The following FURIN variants were observed in gnomAD, a reference collection of about 807,000 sequenced individuals.
FURIN encodes the protein FES upstream region.
In FURIN, 18 loss-of-function variants were observed where a neutral mutation model predicts 89.2. That is an observed-to-expected ratio of 0.20 (90% CI 0.14 to 0.30). FURIN has a LOEUF of 0.30. FURIN is among the 10% of genes least tolerant of loss of function. The pLI is 1.00. For missense variants in FURIN, 879 were observed against 1,100.5 expected (o/e 0.80, Z 2.85); for synonymous variants, 508 against 466.4 (o/e 1.09, Z -1.15).
At chr15:90,868,795 AG>A (rs1470735120) in intron 1 of FURIN, 84 bp downstream of exon 1, 2 of 152,276 alleles carry the variant, frequency 1.3e-5, no homozygotes, top group Admixed American at 6.5e-5. Flanking sequence ...TGAAAAATGC[AG>A]GTAGGCAAAA....
In FURIN at chr15:90,878,826, C is replaced by T; in HGVS notation, c.903C>T (p.Asp301=). ...CGGGGAACGGGGGCCGGGAACATGA[C>T]AGCTGCAACTGCGACGGCTACACCA... is the stretch of plus-strand genomic sequence containing the variant. ...WASGNGGREH[D]SCNCDGYTNS... Residue 301 remains aspartate (D), a synonymous_variant, in exon 9 of 16, where the codon GAC becomes GAT. Transcript: ENST00000268171. 2 of 1,612,762 alleles carry T rather than the reference C, an allele frequency of 1.2e-6. No individual in the cohort carries two copies. Among genetic ancestry groups the T allele is most frequent in the South Asian group, 2.2e-5 (2 of 91,064 alleles).
At chr15:90,869,567 C>T (rs374799857) in intron 1 of FURIN, among the ~76,000 whole-genome samples, 52 of 151,966 alleles carry the variant, frequency 3.4e-4, no homozygotes, top group African/African-American at 1.2e-3. Flanking sequence ...CCTCATTCCT[C>T]CCTCTCAGGG....
At position 90,881,161 on chromosome 15, in the gene FURIN, G is replaced by A. The variant is rs948310675; in HGVS notation, c.1792+121G>A. The stretch of plus-strand genomic sequence containing the variant: ...GAGACCTAGGGCCCCTGGGGCTCTT[G>A]GGATGACCACAGTCCTGGGGCTGGA... On this transcript the variant is annotated intron_variant, in intron 15 of 15. Coordinates refer to ENST00000268171, the MANE Select transcript of FURIN (RefSeq NM_002569.4). This position sits in a 1 kb window ranked among gnomAD's most constrained non-coding sequence, Gnocchi z 4.3. The A allele has an allele frequency of 1.8e-6, 2 of 1,098,696 alleles. No individual in the cohort carries two copies. The highest frequency in any genetic ancestry group is 1.4e-5 in the South Asian group (1 of 71,850). 68.1% of individuals were successfully genotyped at this position (1,098,696 alleles called of 1,614,324 possible). A position where few individuals can be genotyped will look rare whatever the true frequency, so the allele number is the denominator to read the frequency against.
Position 90,881,886 on chromosome 15 carries a change from A to G in FURIN, c.*8A>G, listed in dbSNP as rs2032002474. On this transcript the variant is annotated 3_prime_UTR_variant, in exon 16 of 16. Coordinates refer to ENST00000268171, the MANE Select transcript of FURIN (RefSeq NM_002569.4). The surrounding 1 kb of genome is among the most constrained non-coding windows in gnomAD (Gnocchi z 4.3). Reference sequence around the variant, plus strand: ...GACCAGAGCGCCCTCTGATGAGCCCACTGCCCACCCCCTCAAGCCAATCCC... The same window carrying G: ...GACCAGAGCGCCCTCTGATGAGCCCGCTGCCCACCCCCTCAAGCCAATCCC... 1.9e-6 allele frequency: 3 copies of G among 1,575,294 alleles called. No homozygotes were observed. The highest frequency in any genetic ancestry group is 1.1e-5 in the South Asian group (1 of 89,460).
At position 90,878,181 on chromosome 15, in the gene FURIN, G is replaced by A. The variant is rs781303466; in HGVS notation, c.717G>A (p.Ser239=). The A allele has an allele frequency of 1.2e-5, 20 of 1,613,756 alleles. No individual in the cohort carries two copies. The highest frequency in any genetic ancestry group is 1.7e-5 in the Non-Finnish European group (20 of 1,179,994). The part of the protein sequence containing the change: ...GEVTDAVEAR[S]LGLNPNHIHI... ...TGACAGATGCAGTGGAGGCACGCTCGCTGGGCCTGAACCCCAACCACATCC... is the reference window on the plus strand; with the variant it reads ...TGACAGATGCAGTGGAGGCACGCTCACTGGGCCTGAACCCCAACCACATCC... The change falls in exon 8 of 16, where the codon TCG becomes TCA. Residue 239 remains serine (S), a synonymous_variant. Transcript: ENST00000268171.
rs2031693934 is a variant in FURIN, at chr15:90,877,461, G to A, written c.579-66G>A. ...ATGTGCGGATCCCTCGTGCTCCTCA[G>A]GCCACATCTGCCGGGCCCTGTTCAC... is the stretch of plus-strand genomic sequence containing the variant. On this transcript the variant is annotated intron_variant, in intron 6 of 15. Coordinates refer to ENST00000268171, the MANE Select transcript of FURIN (RefSeq NM_002569.4). 6.9e-6 allele frequency: 9 copies of A among 1,307,216 alleles called. No individual in the cohort carries two copies. In the African/African-American group the frequency reaches 1.0e-4, roughly 15 times the overall value. The allele number at this position is 1,307,216 out of a possible 1,614,324, so 81.0% of individuals were successfully genotyped here.
In FURIN at chr15:90,875,648, G is replaced by A. The variant is rs970768270; in HGVS notation, c.-93G>A. 1.7e-6 allele frequency: 2 copies of A among 1,193,854 alleles called. No homozygotes were observed. The highest frequency in any genetic ancestry group is 2.7e-5 in the Admixed American group (1 of 36,606). 74.0% of individuals were successfully genotyped at this position (1,193,854 alleles called of 1,614,324 possible). A position where few individuals can be genotyped will look rare whatever the true frequency, so the allele number is the denominator to read the frequency against. The stretch of plus-strand genomic sequence containing the variant: ...CCCATGCCCCCACCAGTCAGCCCCG[G>A]GCCACAGGCAGTGAGCAGGCACCTG... On this transcript the variant is annotated 5_prime_UTR_variant, in exon 2 of 16. Coordinates refer to ENST00000268171, the MANE Select transcript of FURIN (RefSeq NM_002569.4).
Position 90,876,775 on chromosome 15 carries a change from C to T in FURIN, c.373-121C>T, listed in dbSNP as rs2031655461. On this transcript the variant is annotated intron_variant, in intron 4 of 15. Transcript: ENST00000268171. This position sits in a 1 kb window ranked among gnomAD's most constrained non-coding sequence, Gnocchi z 5.0. ...ATGGAGTCCAGACAGCCAGTGGCGG[C>T]CTTTCAGGAGCAGGGATGGTACAGG... is the stretch of plus-strand genomic sequence containing the variant. 8.8e-7 allele frequency: 1 copy of T among 1,132,088 alleles called. No homozygotes were observed. Among genetic ancestry groups the T allele is most frequent in the Non-Finnish European group, 1.3e-6 (1 of 775,004 alleles). The allele number at this position is 1,132,088 out of a possible 1,614,324, so 70.1% of individuals were successfully genotyped here.
chr15:90,874,750 A>G (rs1181516932), intron 1 of FURIN, among the ~76,000 whole-genome samples: 1 of 152,262 alleles, frequency 6.6e-6, no homozygotes, highest in Non-Finnish European at 1.5e-5. Context: ...TGGAGAATAC[A>G]GTGACACAAA....
chr15:90,870,036 C>A (rs1364326972), intron 1 of FURIN, among the ~76,000 whole-genome samples: 1 of 152,224 alleles, frequency 6.6e-6, no homozygotes, highest in African/African-American at 2.4e-5. Context: ...TGGGACAAGG[C>A]CAACTGGACT....
rs1487830579 is a variant in FURIN, at chr15:90,876,407, G to T, written c.276+54G>T. The T allele has an allele frequency of 6.5e-7, 1 of 1,529,692 alleles. No homozygotes were observed. Among genetic ancestry groups the T allele is most frequent in the African/African-American group, 1.4e-5 (1 of 73,100 alleles). 94.8% of individuals were successfully genotyped at this position (1,529,692 alleles called of 1,614,324 possible). ...GCCACCCTCCCCCTCCTGCTCTCAG[G>T]AGCCCCTCTCGCCTCCTGCTCCACC... is the stretch of plus-strand genomic sequence containing the variant. On this transcript the variant is annotated intron_variant, in intron 3 of 15. Coordinates refer to ENST00000268171, the MANE Select transcript of FURIN (RefSeq NM_002569.4). This position sits in a 1 kb window ranked among gnomAD's most constrained non-coding sequence, Gnocchi z 5.0.
At chr15:90,872,269 C>T (rs973101875) in intron 1 of FURIN, among the ~76,000 whole-genome samples, 4 of 152,106 alleles carry the variant, frequency 2.6e-5, no homozygotes, top group Non-Finnish European at 5.9e-5. Flanking sequence ...GGCCGAGGCC[C>T]CTGTGCCCCC....
intron 9 of FURIN, 62 bp from the exon 10 acceptor site, chr15:90,879,382 C>A: frequency 1.7e-6 from 2 of 1,167,370 alleles, no homozygotes; most frequent in Non-Finnish European, 2.6e-6. Context: ...GGAGGGTAGG[C>A]AGGTGGCTCC....
chr15:90,876,073 G>C lies in FURIN; in HGVS notation c.177+156G>C, dbSNP rs77670421. Among the ~76,000 whole-genome samples the C allele has an allele frequency of 9.1e-3, 1,389 of 152,282 alleles. 23 individuals carry two copies. Among genetic ancestry groups the C allele is most frequent in the African/African-American group, 0.031 (1,307 of 41,548 alleles). On this transcript the variant is annotated intron_variant, in intron 2 of 15. Transcript: ENST00000268171. The surrounding 1 kb of genome is among the most constrained non-coding windows in gnomAD (Gnocchi z 5.0). ...AAAGCACAGGTGGTTCAGGCAAGCA[G>C]CATATCCCAGTGAGAGTGAGTCCTC... is the stretch of plus-strand genomic sequence containing the variant.
Position 90,878,758 on chromosome 15 carries a change from C to G in FURIN, c.841-6C>G. 1 of 1,579,476 alleles carries G rather than the reference C, an allele frequency of 6.3e-7. No individual in the cohort carries two copies. The highest frequency in any genetic ancestry group is 8.7e-7 in the Non-Finnish European group (1 of 1,149,960). On this transcript the variant is annotated splice_region_variant and splice_polypyrimidine_tract_variant and intron_variant, in intron 8 of 15. Coordinates refer to ENST00000268171, the MANE Select transcript of FURIN (RefSeq NM_002569.4). Reference sequence around the variant, plus strand: ...CTTGAATGACCCCAGCCCACTCTGTCCACAGGGCCGAGGGGGGCTGGGCTC... The same window carrying G: ...CTTGAATGACCCCAGCCCACTCTGTGCACAGGGCCGAGGGGGGCTGGGCTC...
At chr15:90,879,340 C>G (rs1009391500) in intron 9 of FURIN, 104 bp from the exon 10 acceptor site, 3 of 858,426 alleles carry the variant, frequency 3.5e-6, no homozygotes, top group Non-Finnish European at 5.8e-6. Context: ...GCTCCCCATA[C>G]CATCTGTGGT....
rs756334625 is a variant in FURIN, at chr15:90,876,435, C to T, written c.277-27C>T. The T allele has an allele frequency of 6.3e-7, 1 of 1,583,878 alleles. No homozygotes were observed. Among genetic ancestry groups the T allele is most frequent in the Non-Finnish European group, 8.7e-7 (1 of 1,152,496 alleles). ...CCCCTCTCGCCTCCTGCTCCACCCA[C>T]ACCATCTCTCCCTCACTCCCCCACA... is the stretch of plus-strand genomic sequence containing the variant. On this transcript the variant is annotated intron_variant, in intron 3 of 15. Transcript: ENST00000268171. This position sits in a 1 kb window ranked among gnomAD's most constrained non-coding sequence, Gnocchi z 5.0.
Position 90,882,306 on chromosome 15 carries a change from C to G in FURIN, c.*428C>G. On this transcript the variant is annotated 3_prime_UTR_variant, in exon 16 of 16. Transcript: ENST00000268171. Reference sequence around the variant, plus strand: ...CTAGGAGATATCTGAGGGAGGAGGCCACCTCTCCAAGGGCTTCTGCACCCT... The same window carrying G: ...CTAGGAGATATCTGAGGGAGGAGGCGACCTCTCCAAGGGCTTCTGCACCCT... The G allele has an allele frequency of 5.2e-6, 1 of 191,302 alleles. No homozygotes were observed. Among genetic ancestry groups the G allele is most frequent in the Non-Finnish European group, 1.1e-5 (1 of 90,990 alleles). 11.9% of individuals were successfully genotyped at this position (191,302 alleles called of 1,614,324 possible).
At position 90,877,195 on chromosome 15, in the gene FURIN, C is replaced by A. The variant is rs1246177625; in HGVS notation, c.562C>A (p.Gln188Lys). 6.2e-7 allele frequency: 1 copy of A among 1,609,358 alleles called. No homozygotes were observed. Among genetic ancestry groups the A allele is most frequent in the Non-Finnish European group, 8.5e-7 (1 of 1,177,482 alleles). ...CCCTGACCCCCAGCCTCGGTACACACAGATGAATGACAACAGGTAAGAAGT... is the reference window on the plus strand; with the variant it reads ...CCCTGACCCCCAGCCTCGGTACACAAAGATGAATGACAACAGGTAAGAAGT... Reference protein sequence around the residue: ...QDPDPQPRYTQMNDNRHGTRC... With the variant: ...QDPDPQPRYTKMNDNRHGTRC... Residue 188 changes from glutamine (Q) to lysine (K), a missense_variant, in exon 6 of 16, where the codon CAG (glutamine) becomes AAG (lysine). Physicochemically the swap from Gln to Lys is moderately conservative, Grantham distance 53. Transcript: ENST00000268171.
Sources: allele counts gnomAD v4.1 joint callset (sites outside exome capture counted in the v4.1 genomes callset), GRCh38; gene constraint gnomAD v4.1.1; non-coding constraint Gnocchi (gnomAD v3.1); transcripts MANE v1.5; gene names NCBI Gene and HGNC (gene_info 2026-07-23, HGNC 2026-07-21).